STK3: variants seen among roughly 807,000 people sequenced by gnomAD.
STK3 encodes the protein serine/threonine-protein kinase 3.
Under a neutral mutation model 58.0 loss-of-function variants are expected in STK3, and 41 were observed. The observed-to-expected ratio is 0.71, with a 90% CI of 0.55 to 0.92. The LOEUF is 0.92. Ranked by LOEUF, STK3 falls within the 40% of genes least tolerant of loss-of-function variation. STK3 has a pLI of 0.00. For synonymous variants in STK3, 170 were observed against 191.0 expected, an observed-to-expected ratio of 0.89 and a Z score of 0.91; for missense variants, 479 against 602.7, an observed-to-expected ratio of 0.79 and a Z score of 2.15.
intron 3 of STK3, among the ~76,000 whole-genome samples, chr8:98,870,205 T>C (rs1837318543): frequency 6.6e-6 from 1 of 152,228 alleles, no homozygotes; most frequent in African/African-American, 2.4e-5. Context: ...TAGTATTCCA[T>C]GGTGTATGTG....
chr8:98,933,249 T>G (rs1420238952), intron 1 of STK3, among the ~76,000 whole-genome samples: 1 of 152,222 alleles, frequency 6.6e-6, no homozygotes, highest in African/African-American at 2.4e-5. Flanking sequence ...TATTTAGACA[T>G]GTAATAACAC....
intron 4 of STK3, among the ~76,000 whole-genome samples, chr8:98,734,027 C>G (rs889047540): frequency 6.6e-6 from 1 of 152,076 alleles, no homozygotes; most frequent in African/African-American, 2.4e-5. Flanking sequence ...GAAGCAAACA[C>G]CGAATTCTCA....
At chr8:98,917,743 A>C (rs1236448566) in intron 1 of STK3, among the ~76,000 whole-genome samples, 1 of 152,180 alleles carries the variant, frequency 6.6e-6, no homozygotes, top group Non-Finnish European at 1.5e-5. Context: ...AAACAAGCTA[A>C]GACATCATCC....
intron 10 of STK3, among the ~76,000 whole-genome samples, chr8:98,484,371 C>T (rs1355889254): frequency 6.6e-6 from 1 of 152,074 alleles, no homozygotes; most frequent in African/African-American, 2.4e-5. Context: ...AAGTAGTCTA[C>T]ATTAAATGAA....
At chr8:98,822,039 T>C (rs187346023) in intron 1 of STK3, among the ~76,000 whole-genome samples, 80 of 152,008 alleles carry the variant, frequency 5.3e-4, no homozygotes, top group Admixed American at 2.0e-3. Context: ...CATATATATA[T>C]ACACACACAT....
chr8:98,615,130 C>A (rs1450805767), intron 6 of STK3, among the ~76,000 whole-genome samples: 1 of 151,794 alleles, frequency 6.6e-6, no homozygotes, highest in Admixed American at 6.6e-5. Context: ...GGGCAGACTA[C>A]CTCCTCAAGT....
At chr8:98,504,959 C>T (rs4735563) in intron 10 of STK3, among the ~76,000 whole-genome samples, 2,947 of 152,280 alleles carry the variant, frequency 0.019, 34 homozygotes, top group Admixed American at 0.036. Flanking sequence ...TGGGGAAGTT[C>T]TCCTGGATAA....
At chr8:98,535,456 A>ATTTTTT (rs34779344) in intron 9 of STK3, among the ~76,000 whole-genome samples, 1 of 143,728 alleles carries the variant, frequency 7.0e-6, no homozygotes. Context: ...GCTTTCATTA[A>ATTTTTT]TTTTTTTTTT....
At chr8:98,543,835 G>C (rs1810481590) in intron 9 of STK3, among the ~76,000 whole-genome samples, 1 of 152,150 alleles carries the variant, frequency 6.6e-6, no homozygotes, top group South Asian at 2.1e-4. Flanking sequence ...GCCCTCATCT[G>C]TGCAGATGGA....
chr8:98,608,854 TG>T (rs1816962054), intron 6 of STK3, among the ~76,000 whole-genome samples: 1 of 152,244 alleles, frequency 6.6e-6, no homozygotes, highest in African/African-American at 2.4e-5. Context: ...TGGATTCCCA[TG>T]TAAAACTGAC....
chr8:98,935,595 T>G (rs1244909824), intron 1 of STK3, among the ~76,000 whole-genome samples: 1 of 152,226 alleles, frequency 6.6e-6, no homozygotes, highest in African/African-American at 2.4e-5. Context: ...AACAAGATTA[T>G]AATATAATGC....
At chr8:98,918,488 G>A (rs1345792803) in intron 1 of STK3, among the ~76,000 whole-genome samples, 2 of 152,184 alleles carry the variant, frequency 1.3e-5, no homozygotes, top group African/African-American at 2.4e-5. Flanking sequence ...TAGAAAAGAA[G>A]ATCGGGTGTG....
At chr8:98,476,934 CT>C (rs1394560701) in intron 10 of STK3, among the ~76,000 whole-genome samples, 1 of 152,146 alleles carries the variant, frequency 6.6e-6, no homozygotes, top group Non-Finnish European at 1.5e-5. Context: ...GTAAAAGGTA[CT>C]TGAAAAACAG....
At chr8:98,651,711 T>C (rs1421699887) in intron 6 of STK3, 2 of 152,128 alleles carry the variant, frequency 1.3e-5, no homozygotes, top group African/African-American at 2.4e-5. Context: ...CCTCAGGAGC[T>C]GATGTGATCA....
intron 6 of STK3, among the ~76,000 whole-genome samples, chr8:98,683,760 T>C (rs1823792797): frequency 6.6e-6 from 1 of 152,134 alleles, no homozygotes; most frequent in African/African-American, 2.4e-5. Context: ...GAGGAAGACA[T>C]CATAATCTAC....
At chr8:98,587,208 C>T (rs993779575) in intron 7 of STK3, among the ~76,000 whole-genome samples, 4 of 152,174 alleles carry the variant, frequency 2.6e-5, no homozygotes, top group African/African-American at 9.6e-5. Context: ...AATTTTGGAT[C>T]TTTCCTGCTT....
At chr8:98,517,918 A>G (rs2131437729) in intron 10 of STK3, among the ~76,000 whole-genome samples, 1 of 152,248 alleles carries the variant, frequency 6.6e-6, no homozygotes, top group South Asian at 2.1e-4. Context: ...ATGAATAGAA[A>G]GCCCACATAG....
At position 98,825,571 on chromosome 8, in the gene STK3, G is replaced by A. The variant is rs1165757461; in HGVS notation, c.-31C>T. 2 of 1,447,530 alleles carry A rather than the reference G, an allele frequency of 1.4e-6. No individual in the cohort carries two copies. Among genetic ancestry groups the A allele is most frequent in the African/African-American group, 1.5e-5 (1 of 66,708 alleles). 89.7% of individuals were successfully genotyped at this position (1,447,530 alleles called of 1,614,324 possible). Reference sequence around the variant, plus strand: ...CCGGGGACAGAGAGAGGGACCTGGTGGACGGCGAAGGCCGAAAGGAGGAAA... The same window carrying A: ...CCGGGGACAGAGAGAGGGACCTGGTAGACGGCGAAGGCCGAAAGGAGGAAA... On this transcript the variant is annotated 5_prime_UTR_variant, in exon 1 of 11. Transcript: ENST00000419617.
rs115461199 is a variant in STK3 at position 98,478,347 on chromosome 8, G to T, written c.1318-22347C>A. On this transcript the variant is annotated intron_variant, in intron 10 of 10. Coordinates refer to ENST00000419617, the MANE Select transcript of STK3 (RefSeq NM_006281.4). ...TTGGGGGTGGGGTGGAAGAAGGGGA[G>T]TTGGGAGGTAGAGAAGGGTTTCCCC... Among the ~76,000 whole-genome samples, 1,222 of 152,302 alleles carry T rather than the reference G, an allele frequency of 8.0e-3. 12 individuals carry two copies. Among genetic ancestry groups the T allele is most frequent in the African/African-American group, 0.028 (1,146 of 41,574 alleles).
Sources: gnomAD v4.1 joint callset for allele counts (sites outside exome capture counted in the v4.1 genomes callset) on GRCh38, gnomAD v4.1.1 for gene constraint, MANE v1.5 for transcripts, NCBI Gene and HGNC (gene_info 2026-07-23, HGNC 2026-07-21) for gene names.